Variants in CLIP4 observed in about 807,000 individuals in gnomAD.
CLIP4 encodes CAP-Gly domain-containing linker protein 4.
A neutral mutation model predicts 73.1 loss-of-function variants in CLIP4; 47 were observed. The observed-to-expected ratio is 0.64, with a 90% CI of 0.51 to 0.82. CLIP4 has a LOEUF of 0.82. CLIP4 is among the 40% of genes least tolerant of loss of function. CLIP4 has a pLI of 0.00. For missense variants in CLIP4, 874 were observed against 852.9 expected, an observed-to-expected ratio of 1.02 and a Z score of -0.31; for synonymous variants, 306 against 295.4, an observed-to-expected ratio of 1.04 and a Z score of -0.37.
At position 29,181,835 on chromosome 2, in the gene CLIP4, C is replaced by T. The variant is rs373598789; in HGVS notation, c.2060C>T (p.Pro687Leu). ...CCGAACCATGGAGTCTTAGTTCGAC[C>T]GAGCAGAGTGACCTATCGGGGAATT... is the stretch of plus-strand genomic sequence containing the variant. Reference protein sequence around the residue: ...CKPNHGVLVRPSRVTYRGING... With the variant: ...CKPNHGVLVRLSRVTYRGING... The change falls in exon 16 of 16, where the codon CCG (proline) becomes CTG (leucine). Residue 687 changes from proline to leucine, a missense_variant. Transcript: ENST00000320081. 1.4e-5 allele frequency: 22 copies of T among 1,613,972 alleles called. No homozygotes were observed. Among genetic ancestry groups the T allele is most frequent in the African/African-American group, 4.0e-5 (3 of 75,004 alleles).
At chr2:29,168,600 G>A (rs1337072214) in intron 14 of CLIP4, among the ~76,000 whole-genome samples, 6 of 124,244 alleles carry the variant, frequency 4.8e-5, no homozygotes, top group East Asian at 2.7e-4. Flanking sequence ...TTGGCTCACC[G>A]CAAGCTCCGC....
intron 2 of CLIP4, among the ~76,000 whole-genome samples, chr2:29,128,462 A>G (rs1664759390): frequency 1.3e-5 from 2 of 152,076 alleles, no homozygotes; most frequent in South Asian, 4.1e-4. Flanking sequence ...AAAAAAACAA[A>G]ACCCCTTGAC....
rs921485477 is a variant in CLIP4, at chr2:29,175,916, C to T, written c.1796+1471C>T. Among the ~76,000 whole-genome samples, 35 of 152,140 alleles carry T rather than the reference C, an allele frequency of 2.3e-4. No homozygotes were observed. In the Middle Eastern group the frequency reaches 0.01, roughly 44 times the overall value. ...AGCTGGGACTACAGGCGCCCGCCAC[C>T]ACACCCGGCTAATTTTTTGTATTTT... On this transcript the variant is annotated intron_variant, in intron 15 of 15. Coordinates refer to ENST00000320081, the MANE Select transcript of CLIP4 (RefSeq NM_024692.6).
In CLIP4 at chr2:29,115,928, T is replaced by C. The variant is rs1663778956; in HGVS notation, c.-16+263T>C. On this transcript the variant is annotated intron_variant, in intron 1 of 15. Coordinates refer to ENST00000320081, the MANE Select transcript of CLIP4 (RefSeq NM_024692.6). This position sits in a 1 kb window ranked among gnomAD's most constrained non-coding sequence, Gnocchi z 5.1. ...GGCGGCCGCTGACGGACGGCCCAAC[T>C]TTAGGTTGAGGGGCGCGGGGTGTGC... Among the ~76,000 whole-genome samples the C allele has an allele frequency of 6.6e-6, 1 of 151,616 alleles. No homozygotes were observed. Among genetic ancestry groups the C allele is most frequent in the Non-Finnish European group, 1.5e-5 (1 of 67,820 alleles).
chr2:29,107,790 G>A (rs576882137), intron 1 of CLIP4, among the ~76,000 whole-genome samples: 2 of 148,996 alleles, frequency 1.3e-5, no homozygotes, highest in African/African-American at 2.5e-5. Context: ...GGGCTCAAGC[G>A]AGCCTCCTGC....
At chr2:29,122,672 C>G (rs556635345) in intron 2 of CLIP4, among the ~76,000 whole-genome samples, 6 of 151,824 alleles carry the variant, frequency 4.0e-5, no homozygotes, top group Admixed American at 3.9e-4. Context: ...ACTAAAAATA[C>G]AAAAATTAGC....
chr2:29,103,384 A>G (rs1178419411), intron 1 of CLIP4, among the ~76,000 whole-genome samples: 1 of 151,736 alleles, frequency 6.6e-6, no homozygotes, highest in African/African-American at 2.4e-5. Flanking sequence ...AAAACACCCA[A>G]TTTAGTCTTT....
At chr2:29,154,201 C>T (rs1386599062) in intron 9 of CLIP4, among the ~76,000 whole-genome samples, 1 of 152,122 alleles carries the variant, frequency 6.6e-6, no homozygotes, top group Non-Finnish European at 1.5e-5. Context: ...ATCCTTTTAA[C>T]CTGAAGCCCA....
chr2:29,134,810 G>C (rs946412884), intron 5 of CLIP4, among the ~76,000 whole-genome samples: 1 of 152,066 alleles, frequency 6.6e-6, no homozygotes, highest in Admixed American at 6.6e-5. Context: ...TTATTAACAT[G>C]TCCTTAGAGT....
chr2:29,135,647 G>A lies in CLIP4; in HGVS notation c.629G>A (p.Gly210Glu). Residue 210 changes from glycine (G) to glutamate (E), a missense_variant, in exon 6 of 16, where the codon GGA (glycine) becomes GAA (glutamate). Transcript: ENST00000320081. ...AGAVKCLLEQ[G>E]ANPAFRNDKG... ...GCTGTGAAGTGCCTCTTGGAGCAGG[G>A]AGCAAATCCTGCATTTAGGGTAAGA... 3.1e-6 allele frequency: 5 copies of A among 1,607,130 alleles called. No homozygotes were observed. The highest frequency in any genetic ancestry group is 4.2e-6 in the Non-Finnish European group (5 of 1,176,676).
chr2:29,132,472 T>C (rs1665046686), intron 4 of CLIP4: 1 of 523,254 alleles, frequency 1.9e-6, no homozygotes. Flanking sequence ...TCAGGCCTCA[T>C]GCCTGATTGC....
chr2:29,145,422 A>C, intron 8 of CLIP4, 55 bp downstream of exon 8: 1 of 1,430,558 alleles, frequency 7.0e-7, no homozygotes. Context: ...ATCAAGTTTT[A>C]CTCTTTTACA....
At chr2:29,117,791 A>G (rs1663969228) in intron 1 of CLIP4, among the ~76,000 whole-genome samples, 1 of 152,150 alleles carries the variant, frequency 6.6e-6, no homozygotes, top group African/African-American at 2.4e-5. Context: ...ACTACTTTCA[A>G]CTTTCTGGTA....
At chr2:29,116,474 A>G (rs1663847749) in intron 1 of CLIP4, among the ~76,000 whole-genome samples, 1 of 152,234 alleles carries the variant, frequency 6.6e-6, no homozygotes, top group Non-Finnish European at 1.5e-5. Context: ...CACCTTCCTC[A>G]GGAACATCCG....
intron 1 of CLIP4, among the ~76,000 whole-genome samples, chr2:29,109,392 A>G (rs958037140): frequency 2.6e-5 from 4 of 152,204 alleles, no homozygotes; most frequent in African/African-American, 9.6e-5. Context: ...ATAAAAATAC[A>G]TCATAATTGC....
intron 8 of CLIP4, among the ~76,000 whole-genome samples, chr2:29,150,251 CAGAAG>C (rs1666464434): frequency 6.6e-6 from 1 of 152,138 alleles, no homozygotes; most frequent in Admixed American, 6.5e-5. Context: ...TGGGGTTACT[CAGAAG>C]AGAAACATTT....
intron 15 of CLIP4, among the ~76,000 whole-genome samples, chr2:29,178,377 C>T (rs2148118030): frequency 6.6e-6 from 1 of 152,188 alleles, no homozygotes; most frequent in African/African-American, 2.4e-5. Context: ...AACGGGGTTT[C>T]ACCATGTTAG....
intron 14 of CLIP4, among the ~76,000 whole-genome samples, chr2:29,173,517 C>A (rs189395725): frequency 6.6e-6 from 1 of 152,304 alleles, no homozygotes; most frequent in Non-Finnish European, 1.5e-5. Context: ...TGGAATTCAG[C>A]GGAAAGCCTG....
At chr2:29,118,895 A>G (rs1664062407) in intron 1 of CLIP4, among the ~76,000 whole-genome samples, 1 of 152,134 alleles carries the variant, frequency 6.6e-6, no homozygotes, top group Non-Finnish European at 1.5e-5. Context: ...CCATAGTTGG[A>G]TTTGGAATGA....
Sources: gnomAD v4.1 joint callset for allele counts (sites outside exome capture counted in the v4.1 genomes callset) on GRCh38, gnomAD v4.1.1 for gene constraint, Gnocchi (gnomAD v3.1) non-coding constraint, MANE v1.5 for transcripts, NCBI Gene and HGNC (gene_info 2026-07-23, HGNC 2026-07-21) for gene names.